Variants in SENP1 observed in about 807,000 individuals in gnomAD.
The protein encoded by SENP1 is sentrin-specific protease 1.
In SENP1, 21 loss-of-function variants were observed where a neutral mutation model predicts 93.0. The ratio of observed to expected loss-of-function variants is 0.23; its 90% CI spans 0.16 to 0.33. SENP1 has a LOEUF of 0.33. Ranked by LOEUF, SENP1 falls within the 10% of genes least tolerant of loss-of-function variation. SENP1 has a pLI of 1.00. For missense variants in SENP1, 591 were observed against 758.7 expected (o/e 0.78, Z 2.60); for synonymous variants, 256 against 259.6 (o/e 0.99, Z 0.13).
chr12:48,063,641 G>A (rs1213166942), intron 13 of SENP1, 69 bp downstream of exon 13: 1 of 1,501,166 alleles, frequency 6.7e-7, no homozygotes, highest in Non-Finnish European at 9.1e-7. Flanking sequence ...GAGAAAAAGT[G>A]AGATAATGCC....
chr12:48,089,299 A>AGAAG, intron 4 of SENP1: 1 of 1,368,940 alleles, frequency 7.3e-7, no homozygotes, highest in Non-Finnish European at 9.7e-7. Context: ...TGGGCCTGAA[A>AGAAG]GAAGGTAGGC....
At chr12:48,059,937 C>T (rs1423233319) in intron 13 of SENP1, among the ~76,000 whole-genome samples, 1 of 152,154 alleles carries the variant, frequency 6.6e-6, no homozygotes, top group African/African-American at 2.4e-5. Flanking sequence ...TGTGCTGGCT[C>T]TAAGACTGCT....
intron 13 of SENP1, among the ~76,000 whole-genome samples, chr12:48,058,295 C>T (rs1014641928): frequency 6.6e-6 from 1 of 152,130 alleles, no homozygotes; most frequent in Non-Finnish European, 1.5e-5. Flanking sequence ...ATATGTGGCT[C>T]ACATTATATT....
chr12:48,098,067 T>C lies in SENP1; in HGVS notation c.62A>G (p.Asn21Ser), dbSNP rs138579338. ...DAGEVTLVNHNSVFKTHLLPQ... is the reference protein window; with the variant it reads ...DAGEVTLVNHSSVFKTHLLPQ... ...CAGGAGGTGGGTTTTGAATACGGAG[T>C]TGTGGTTCACTAAAGTCACTTCTCC... The change falls in exon 3 of 18, where the codon AAC (asparagine) becomes AGC (serine). Residue 21 changes from asparagine to serine, a missense_variant. Asn to Ser is a conservative substitution (Grantham distance 46). This residue lies in a region of SENP1 where 214 missense variants were observed against 243.4 expected (regional missense o/e 0.88). Transcript: ENST00000549518. 1.9e-5 allele frequency: 31 copies of C among 1,613,468 alleles called. No individual in the cohort carries two copies. In the East Asian group the frequency reaches 6.7e-4, roughly 35 times the overall value.
intron 1 of SENP1, among the ~76,000 whole-genome samples, chr12:48,103,231 AAAGG>A (rs1946074804): frequency 6.6e-6 from 1 of 152,200 alleles, no homozygotes; most frequent in Non-Finnish European, 1.5e-5. Flanking sequence ...TGTGAAGAGA[AAAGG>A]AAGCTAGAAA....
chr12:48,104,272 G>C (rs889389583), intron 1 of SENP1, among the ~76,000 whole-genome samples: 2 of 50,234 alleles, frequency 4.0e-5, no homozygotes, highest in Non-Finnish European at 9.3e-5. Flanking sequence ...GGGGGGGGGG[G>C]GCGGAGGGAG....
chr12:48,046,846 C>T (rs558373467), intron 16 of SENP1, 132 bp downstream of exon 16: 4 of 628,308 alleles, frequency 6.4e-6, no homozygotes, highest in South Asian at 3.9e-5. Context: ...TATCCTCCCC[C>T]AGAAACCAAC....
chr12:48,071,318 T>C (rs1202535420), intron 9 of SENP1, among the ~76,000 whole-genome samples: 1 of 152,062 alleles, frequency 6.6e-6, no homozygotes, highest in Non-Finnish European at 1.5e-5. Flanking sequence ...AACAATATGT[T>C]AAGAAGAAAC....
At position 48,046,420 on chromosome 12, in the gene SENP1, C is replaced by T; in HGVS notation, c.1808G>A (p.Cys603Tyr). 2 of 1,613,130 alleles carry T rather than the reference C, an allele frequency of 1.2e-6. No homozygotes were observed. The highest frequency in any genetic ancestry group is 1.1e-5 in the South Asian group (1 of 91,048). The change falls in exon 17 of 18, where the codon TGT becomes TAT. Residue 603 changes from cysteine to tyrosine, a missense_variant. Coordinates refer to ENST00000549518, the MANE Select transcript of SENP1 (RefSeq NM_001267594.2). ...EIPQQMNGSD[C>Y]GMFACKYADC... is the part of the protein sequence containing the mutation. The stretch of plus-strand genomic sequence containing the variant: ...AGCATATTTGCAGGCAAACATCCCA[C>T]AGTCACTTCCATTCATCTGCTGAGG...
intron 17 of SENP1, 115 bp from the exon 18 acceptor site, chr12:48,045,499 C>G (rs1941297866): frequency 1.3e-6 from 1 of 782,086 alleles, no homozygotes; most frequent in Admixed American, 2.3e-5. Flanking sequence ...AGTTGTATTT[C>G]TGGTCTTTTA....
chr12:48,083,506 A>G, intron 6 of SENP1, 85 bp downstream of exon 6: 1 of 1,077,476 alleles, frequency 9.3e-7, no homozygotes, highest in Non-Finnish European at 1.4e-6. Context: ...TGGTTCTTAA[A>G]CAACTAATTA....
At chr12:48,082,400 C>T (rs574428256) in intron 6 of SENP1, among the ~76,000 whole-genome samples, 1 of 152,318 alleles carries the variant, frequency 6.6e-6, no homozygotes, top group African/African-American at 2.4e-5. Context: ...GACCAAACCT[C>T]TTCAGAAGTT....
chr12:48,081,397 T>C (rs1273021450), intron 6 of SENP1: 1 of 152,012 alleles, frequency 6.6e-6, no homozygotes, highest in African/African-American at 2.4e-5. Context: ...AACGATGACA[T>C]GAAAATTTGT....
At chr12:48,093,544 A>G (rs1263143136) in intron 4 of SENP1, among the ~76,000 whole-genome samples, 1 of 151,974 alleles carries the variant, frequency 6.6e-6, no homozygotes, top group African/African-American at 2.4e-5. Flanking sequence ...TTGGCCTCCC[A>G]AAGTGTTGAG....
chr12:48,068,908 T>C (rs757950568), intron 9 of SENP1, among the ~76,000 whole-genome samples: 1 of 151,388 alleles, frequency 6.6e-6, no homozygotes, highest in Non-Finnish European at 1.5e-5. Context: ...ATCCCAGCAC[T>C]TTGGGAGGCT....
chr12:48,053,581 T>C (rs1160380496), intron 13 of SENP1, among the ~76,000 whole-genome samples: 1 of 151,930 alleles, frequency 6.6e-6, no homozygotes, highest in Non-Finnish European at 1.5e-5. Flanking sequence ...TACTTCCCCA[T>C]AAAGTTTTGC....
chr12:48,077,677 C>T (rs1303991301), intron 6 of SENP1, among the ~76,000 whole-genome samples: 2 of 152,086 alleles, frequency 1.3e-5, no homozygotes, highest in Admixed American at 1.3e-4. Context: ...TGGTATGCTG[C>T]ACCCATTAAC....
Position 48,056,483 on chromosome 12 carries a change from TATATTAC to T in SENP1, c.1407+7220_1407+7226del, listed in dbSNP as rs1176693893. On this transcript the variant is annotated intron_variant, in intron 13 of 17. Transcript: ENST00000549518. Reference sequence around the variant, plus strand: ...TTACATATATAAATATATTATTTAATATATTACATATTACATATATAAATATATTATT... The same window carrying T: ...TTACATATATAAATATATTATTTAATATATTACATATATAAATATATTATT... 3.4e-3 allele frequency among the ~76,000 whole-genome samples: 351 copies of T among 101,816 alleles called. 1 individual carries two copies. The highest frequency in any genetic ancestry group is 0.013 in the Middle Eastern group (1 of 80). 66.8% of individuals were successfully genotyped at this position (101,816 alleles called of 152,430 possible). A position where few individuals can be genotyped will look rare whatever the true frequency, so the allele number is the denominator to read the frequency against.
rs1372375165 is a variant in SENP1, at chr12:48,043,280, T to C, written c.*2042A>G. ...TGCTATACATGGCAATAAATATTTG[T>C]TGCTTTGGTCTGTACAAAGTCTGTG... On this transcript the variant is annotated 3_prime_UTR_variant, in exon 18 of 18. Coordinates refer to ENST00000549518, the MANE Select transcript of SENP1 (RefSeq NM_001267594.2). 1 of 152,690 alleles carries C rather than the reference T, an allele frequency of 6.5e-6. No individual in the cohort carries two copies. The highest frequency in any genetic ancestry group is 1.5e-5 in the Non-Finnish European group (1 of 68,052). 9.5% of individuals were successfully genotyped at this position (152,690 alleles called of 1,614,324 possible).
Sources: allele counts gnomAD v4.1 joint callset (sites outside exome capture counted in the v4.1 genomes callset), GRCh38; gene constraint gnomAD v4.1.1; regional missense constraint gnomAD v4.1.1; transcripts MANE v1.5; gene names NCBI Gene and HGNC (gene_info 2026-07-23, HGNC 2026-07-21).